The following NDUFA9 variants were observed in gnomAD, a reference collection of about 807,000 sequenced individuals.
NDUFA9 encodes NADH dehydrogenase [ubiquinone] 1 alpha subcomplex subunit 9, mitochondrial.
In NDUFA9, 23 loss-of-function variants were observed where a neutral mutation model predicts 45.9. The ratio of observed to expected loss-of-function variants is 0.50; its 90% CI spans 0.36 to 0.71. The LOEUF (loss-of-function observed/expected upper bound fraction) is 0.71, where lower values mean the gene tolerates loss of function less well. Ranked by LOEUF, NDUFA9 falls within the 30% of genes least tolerant of loss-of-function variation. The probability of loss-of-function intolerance (pLI) is 0.00; values close to 1 mark genes in which losing one functional copy is unlikely to be tolerated. For missense variants in NDUFA9, 466 were observed against 488.2 expected, an observed-to-expected ratio of 0.95 and a Z score of 0.43; for synonymous variants, 176 against 170.5, an observed-to-expected ratio of 1.03 and a Z score of -0.25.
chr12:4,668,617 C>T, intron 7 of NDUFA9, 93 bp downstream of exon 7: 2 of 1,155,512 alleles, frequency 1.7e-6, no homozygotes, highest in Non-Finnish European at 2.6e-6. Context: ...TTTAGTAACT[C>T]TGTCATTTTC....
chr12:4,653,436 A>C (rs895002877), intron 1 of NDUFA9: 1 of 283,710 alleles, frequency 3.5e-6, no homozygotes, highest in African/African-American at 2.3e-5. Flanking sequence ...GAGTTTCCCA[A>C]CTCCACAGGT....
rs1945978391 is a variant in NDUFA9 at position 4,685,247 on chromosome 12, T to C, written c.897-12T>C. On this transcript the variant is annotated splice_polypyrimidine_tract_variant and intron_variant, in intron 9 of 10. Transcript: ENST00000266544. ...TGCTTATCACATGTGCTATATGTAT[T>C]TCTCTTTCCAGATGGGTAGCAAGAG... is the stretch of plus-strand genomic sequence containing the variant. The C allele has an allele frequency of 6.2e-7, 1 of 1,608,968 alleles. No individual in the cohort carries two copies. Among genetic ancestry groups the C allele is most frequent in the Non-Finnish European group, 8.5e-7 (1 of 1,175,246 alleles).
chr12:4,659,460 A>G (rs1372420987), intron 5 of NDUFA9, among the ~76,000 whole-genome samples: 1 of 152,178 alleles, frequency 6.6e-6, no homozygotes, highest in African/African-American at 2.4e-5. Flanking sequence ...TGAATTATAC[A>G]GAAACCATCA....
At chr12:4,666,266 T>A (rs138820821) in intron 6 of NDUFA9, among the ~76,000 whole-genome samples, 8 of 152,320 alleles carry the variant, frequency 5.3e-5, no homozygotes, top group African/African-American at 1.9e-4. Flanking sequence ...GTAGGAGTTT[T>A]TTTATTTATT....
At chr12:4,676,258 C>T (rs61909968) in intron 8 of NDUFA9, among the ~76,000 whole-genome samples, 351 of 152,254 alleles carry the variant, frequency 2.3e-3, no homozygotes, top group Non-Finnish European at 3.2e-3. Context: ...TGTCACCACT[C>T]GTGTTCAACG....
intron 8 of NDUFA9, among the ~76,000 whole-genome samples, chr12:4,671,986 T>C (rs900354492): frequency 2.6e-5 from 4 of 152,206 alleles, no homozygotes; most frequent in Admixed American, 2.6e-4. Context: ...AGTCTGCAGC[T>C]GCCAGCAAGA....
At chr12:4,685,838 G>T (rs576683235) in intron 10 of NDUFA9, among the ~76,000 whole-genome samples, 1 of 152,060 alleles carries the variant, frequency 6.6e-6, no homozygotes, top group Non-Finnish European at 1.5e-5. Flanking sequence ...CTCATGTCAT[G>T]TGCCTGTGCA....
rs1946023663 is a variant in NDUFA9, at chr12:4,692,515, C to T, written c.*5407C>T. ...CTCTTTTCTTTATACATTACCTAGA[C>T]TCAGATATTTCTTTATAGCAATACA... is the stretch of plus-strand genomic sequence containing the variant. On this transcript the variant is annotated 3_prime_UTR_variant, in exon 11 of 11. Transcript: ENST00000266544. 6.6e-6 allele frequency: 1 copy of T among 152,214 alleles called. No individual in the cohort carries two copies. The highest frequency in any genetic ancestry group is 2.4e-5 in the African/African-American group (1 of 41,456). 9.4% of individuals were successfully genotyped at this position (152,214 alleles called of 1,614,324 possible).
At chr12:4,670,466 A>G (rs1431603019) in intron 8 of NDUFA9, among the ~76,000 whole-genome samples, 4 of 152,196 alleles carry the variant, frequency 2.6e-5, no homozygotes, top group Non-Finnish European at 5.9e-5. Context: ...TGATTCTGTG[A>G]AGCAAACTAG....
intron 8 of NDUFA9, among the ~76,000 whole-genome samples, chr12:4,670,490 C>A (rs1357865292): frequency 1.3e-5 from 2 of 152,162 alleles, no homozygotes; most frequent in Admixed American, 1.3e-4. Context: ...CACTTGACAT[C>A]TATGAAAGTT....
At chr12:4,685,110 TCA>T (rs779487836) in intron 9 of NDUFA9, 147 bp from the exon 10 acceptor site, 8 of 737,952 alleles carry the variant, frequency 1.1e-5, no homozygotes, top group African/African-American at 1.7e-5. Context: ...AGAGGTAGCC[TCA>T]CAGGTCGAGG....
chr12:4,666,096 C>T (rs912194151), intron 6 of NDUFA9, among the ~76,000 whole-genome samples: 2 of 152,200 alleles, frequency 1.3e-5, no homozygotes, highest in African/African-American at 2.4e-5. Context: ...TGGGCCACCA[C>T]GCCTGGCAAC....
intron 5 of NDUFA9, among the ~76,000 whole-genome samples, chr12:4,661,757 A>G (rs761670015): frequency 1.0e-3 from 132 of 126,414 alleles, no homozygotes; most frequent in Admixed American, 1.9e-3. Context: ...GAGCAGATGA[A>G]CAAAGAACAA....
chr12:4,681,812 A>T (rs1945954259), intron 8 of NDUFA9, among the ~76,000 whole-genome samples: 1 of 151,684 alleles, frequency 6.6e-6, no homozygotes, highest in African/African-American at 2.4e-5. Flanking sequence ...AAAAGAAAAA[A>T]ATTTTAATAG....
intron 1 of NDUFA9, among the ~76,000 whole-genome samples, chr12:4,650,003 C>A (rs2137458807): frequency 6.6e-6 from 1 of 152,306 alleles, no homozygotes; most frequent in East Asian, 1.9e-4. Context: ...TCCAATCAAA[C>A]CCCCAAAGTT....
At position 4,690,390 on chromosome 12, in the gene NDUFA9, T is replaced by A. The variant is rs934538440; in HGVS notation, c.*3282T>A. Reference sequence around the variant, plus strand: ...TGCTAGGCCTTAAGATCATCTCACATTCTTCATCCTAATGACAAAAATAAG... The same window carrying A: ...TGCTAGGCCTTAAGATCATCTCACAATCTTCATCCTAATGACAAAAATAAG... On this transcript the variant is annotated 3_prime_UTR_variant, in exon 11 of 11. Coordinates refer to ENST00000266544, the MANE Select transcript of NDUFA9 (RefSeq NM_005002.5). 2 of 152,216 alleles carry A rather than the reference T, an allele frequency of 1.3e-5. No homozygotes were observed. The highest frequency in any genetic ancestry group is 4.8e-5 in the African/African-American group (2 of 41,456). The allele number at this position is 152,216 out of a possible 1,614,324, so 9.4% of individuals were successfully genotyped here.
chr12:4,659,177 G>A lies in NDUFA9; in HGVS notation c.552G>A (p.Lys184=). 2 of 1,610,100 alleles carry A rather than the reference G, an allele frequency of 1.2e-6. 1 individual carries two copies. The change falls in exon 5 of 11, where the codon AAG becomes AAA. Residue 184 remains lysine (K), a splice_region_variant and synonymous_variant. Transcript: ENST00000266544. The part of the protein sequence containing the change: ...IKSSSRYLRN[K]AVGEKVVRDA... The stretch of plus-strand genomic sequence containing the variant: ...GCTCTTCTAGATATTTGAGAAATAA[G>A]GTAAGTAACAAATTGATCTGGGAAG...
In NDUFA9 at chr12:4,657,754, G is replaced by A. The variant is rs1424118292; in HGVS notation, c.325G>A (p.Asp109Asn). 1.2e-6 allele frequency: 2 copies of A among 1,612,038 alleles called. No individual in the cohort carries two copies. The highest frequency in any genetic ancestry group is 1.3e-5 in the African/African-American group (1 of 74,872). The change falls in exon 4 of 11, where the codon GAC (aspartate) becomes AAC (asparagine). Residue 109 changes from aspartate (D) to asparagine (N), a missense_variant. Transcript: ENST00000266544. Reference protein sequence around the residue: ...DLGQLLFLEWDARDKDSIRRV... With the variant: ...DLGQLLFLEWNARDKDSIRRV... ...TTGCTTTCTGCTATTATAGGAATGG[G>A]ACGCGAGAGATAAAGATTCTATCCG... is the stretch of plus-strand genomic sequence containing the variant.
intron 8 of NDUFA9, among the ~76,000 whole-genome samples, chr12:4,673,955 C>T (rs1301863447): frequency 2.0e-5 from 3 of 152,218 alleles, no homozygotes; most frequent in African/African-American, 7.2e-5. Context: ...GCCCATCAGA[C>T]TAACAGTGGA....
Sources: allele counts gnomAD v4.1 joint callset (sites outside exome capture counted in the v4.1 genomes callset), GRCh38; gene constraint gnomAD v4.1.1; transcripts MANE v1.5; gene names NCBI Gene and HGNC (gene_info 2026-07-23, HGNC 2026-07-21).